GRIA4: variants seen among roughly 807,000 people sequenced by gnomAD.
The protein encoded by GRIA4 is glutamate ionotropic receptor AMPA type subunit 4.
Under a neutral mutation model 104.0 loss-of-function variants are expected in GRIA4, and 34 were observed. The observed-to-expected ratio is 0.33, with a 90% CI of 0.25 to 0.44. The LOEUF (loss-of-function observed/expected upper bound fraction) is 0.44, where lower values mean the gene tolerates loss of function less well. Among genes scored for constraint, GRIA4 ranks in the 20% least tolerant of loss-of-function variants. The pLI is 1.00. For synonymous variants in GRIA4, 386 were observed against 381.9 expected, an observed-to-expected ratio of 1.01 and a Z score of -0.13; for missense variants, 750 against 1,096.5, an observed-to-expected ratio of 0.68 and a Z score of 4.46.
In GRIA4 at chr11:105,875,208, G is replaced by C. The variant is rs553095469; in HGVS notation, c.673-12311G>C. On this transcript the variant is annotated intron_variant, in intron 5 of 16. Coordinates refer to ENST00000282499, the MANE Select transcript of GRIA4 (RefSeq NM_000829.4). ...TGTTATTGGTTCTGTTTATGTGATA[G>C]ATTATGTTTATTGATTTGCATATGT... Among the ~76,000 whole-genome samples, 22 of 152,276 alleles carry C rather than the reference G, an allele frequency of 1.4e-4. No homozygotes were observed. The South Asian group carries it at 4.6e-3, about 32-fold the overall frequency.
chr11:105,624,784 C>G (rs1275526199), intron 3 of GRIA4, among the ~76,000 whole-genome samples: 1 of 151,966 alleles, frequency 6.6e-6, no homozygotes, highest in Non-Finnish European at 1.5e-5. Flanking sequence ...ATGTTACTTT[C>G]TTTTCTCTGA....
intron 3 of GRIA4, among the ~76,000 whole-genome samples, chr11:105,633,518 T>C (rs1039109457): frequency 1.3e-5 from 2 of 152,208 alleles, no homozygotes; most frequent in Non-Finnish European, 2.9e-5. Context: ...CAAATGTGCA[T>C]TATTATTCAA....
In GRIA4 at chr11:105,739,232, G is replaced by A. The variant is rs569472675; in HGVS notation, c.248-13749G>A. On this transcript the variant is annotated intron_variant, in intron 3 of 16. Transcript: ENST00000282499. ...GCCTTGGAAGCAAAGTGAGCCATGT[G>A]TTTCCATTATGATGGCCTGACTCCG... Among the ~76,000 whole-genome samples, 7 of 152,212 alleles carry A rather than the reference G, an allele frequency of 4.6e-5. No homozygotes were observed. The East Asian group carries it at 1.4e-3, about 29-fold the overall frequency.
chr11:105,720,648 T>C (rs1004524550), intron 3 of GRIA4, among the ~76,000 whole-genome samples: 4 of 152,216 alleles, frequency 2.6e-5, no homozygotes, highest in African/African-American at 4.8e-5. Flanking sequence ...CTTGATCCCT[T>C]AGACGTTTAT....
At chr11:105,708,317 G>A (rs1487137961) in intron 3 of GRIA4, among the ~76,000 whole-genome samples, 1 of 152,062 alleles carries the variant, frequency 6.6e-6, no homozygotes, top group African/African-American at 2.4e-5. Flanking sequence ...ACATAGGGTG[G>A]CTGGGAATGG....
Position 105,979,575 on chromosome 11 carries a change from C to T in GRIA4, c.2545C>T (p.Leu849=). The part of the protein sequence containing the change: ...KSRAEAKRMK[L]TFSEAIRNKA... ...TCTGCTTCCTTTCCATGCAACCCAGCTGACCTTTTCTGAAGCCATAAGAAA... is the reference window on the plus strand; with the variant it reads ...TCTGCTTCCTTTCCATGCAACCCAGTTGACCTTTTCTGAAGCCATAAGAAA... The change falls in exon 17 of 17, where the codon CTG becomes TTG. Residue 849 remains leucine (L), a splice_region_variant and synonymous_variant. Transcript: ENST00000282499. The T allele has an allele frequency of 6.2e-7, 1 of 1,613,892 alleles. No individual in the cohort carries two copies. Among genetic ancestry groups the T allele is most frequent in the Non-Finnish European group, 8.5e-7 (1 of 1,179,788 alleles).
chr11:105,649,313 G>A (rs991715943), intron 3 of GRIA4, among the ~76,000 whole-genome samples: 25 of 151,968 alleles, frequency 1.6e-4, no homozygotes, highest in East Asian at 7.7e-4. Flanking sequence ...TAAATATCTC[G>A]GAGAATGTTT....
At chr11:105,847,529 A>C (rs1944644276) in intron 4 of GRIA4, among the ~76,000 whole-genome samples, 1 of 152,208 alleles carries the variant, frequency 6.6e-6, no homozygotes, top group Non-Finnish European at 1.5e-5. Context: ...GAATACATTT[A>C]ATGAGAATCT....
chr11:105,661,991 C>G (rs116993074), intron 3 of GRIA4, among the ~76,000 whole-genome samples: 1 of 82,256 alleles, frequency 1.2e-5, no homozygotes, highest in Non-Finnish European at 2.5e-5. Flanking sequence ...ATGAAGAAAA[C>G]TGTGTGTGTG....
intron 5 of GRIA4, among the ~76,000 whole-genome samples, chr11:105,867,786 T>G (rs891302097): frequency 1.3e-5 from 2 of 151,074 alleles, no homozygotes; most frequent in Non-Finnish European, 3.0e-5. Context: ...GGAGGAGGAG[T>G]CATTACAGGA....
chr11:105,762,386 T>C (rs930780890), intron 4 of GRIA4, among the ~76,000 whole-genome samples: 2 of 152,298 alleles, frequency 1.3e-5, no homozygotes, highest in African/African-American at 4.8e-5. Flanking sequence ...GGTAAAAACG[T>C]TGCTGACAAT....
intron 11 of GRIA4, among the ~76,000 whole-genome samples, chr11:105,922,914 G>A (rs1401101454): frequency 6.6e-6 from 1 of 152,046 alleles, no homozygotes; most frequent in African/African-American, 2.4e-5. Context: ...TGATAGCTAT[G>A]GGGAAAATAA....
intron 4 of GRIA4, among the ~76,000 whole-genome samples, chr11:105,757,159 G>A (rs1940361483): frequency 6.6e-6 from 1 of 152,136 alleles, no homozygotes. Context: ...AGATTCCACA[G>A]GCTGTTACTG....
intron 4 of GRIA4, among the ~76,000 whole-genome samples, chr11:105,838,652 C>T (rs1944278662): frequency 6.6e-6 from 1 of 152,122 alleles, no homozygotes; most frequent in South Asian, 2.1e-4. Context: ...AACTCTTGGA[C>T]ACAAGCTTTT....
At chr11:105,797,847 T>C (rs1023810360) in intron 4 of GRIA4, 2 of 454,900 alleles carry the variant, frequency 4.4e-6, no homozygotes, top group African/African-American at 4.0e-5. Flanking sequence ...TTTTAGGGCC[T>C]AGCACAGAGC....
At chr11:105,877,233 A>T (rs566286603) in intron 5 of GRIA4, among the ~76,000 whole-genome samples, 54 of 152,010 alleles carry the variant, frequency 3.6e-4, no homozygotes, top group African/African-American at 1.3e-3. Flanking sequence ...TTGAATATTG[A>T]CCCCCACTCT....
intron 4 of GRIA4, among the ~76,000 whole-genome samples, chr11:105,835,369 C>T (rs1224944099): frequency 6.6e-6 from 1 of 151,896 alleles, no homozygotes; most frequent in Non-Finnish European, 1.5e-5. Flanking sequence ...AGGTCGAAAT[C>T]TGTGAAAAGA....
chr11:105,866,241 T>C (rs889656569), intron 5 of GRIA4, among the ~76,000 whole-genome samples: 8 of 152,154 alleles, frequency 5.3e-5, no homozygotes, highest in Admixed American at 1.3e-4. Flanking sequence ...ATCCTTGCTG[T>C]CTCTAAAAGT....
intron 4 of GRIA4, among the ~76,000 whole-genome samples, chr11:105,843,609 C>A (rs1368076158): frequency 6.6e-6 from 1 of 152,180 alleles, no homozygotes; most frequent in Non-Finnish European, 1.5e-5. Flanking sequence ...CAACATCTCA[C>A]AAACACTGGA....
Sources: allele counts gnomAD v4.1 joint callset (sites outside exome capture counted in the v4.1 genomes callset), GRCh38; gene constraint gnomAD v4.1.1; transcripts MANE v1.5; gene names NCBI Gene and HGNC (gene_info 2026-07-23, HGNC 2026-07-21).